SHROOM3: variants seen among roughly 807,000 people sequenced by gnomAD.
SHROOM3 encodes shroom family member 3, also known as protein Shroom3.
A neutral mutation model predicts 138.6 loss-of-function variants in SHROOM3; 47 were observed. The observed-to-expected ratio is 0.34, with a 90% CI of 0.27 to 0.43. The LOEUF (loss-of-function observed/expected upper bound fraction) is 0.43, where lower values mean the gene tolerates loss of function less well. Among genes scored for constraint, SHROOM3 ranks in the 20% least tolerant of loss-of-function variants. The pLI is 1.00. For missense variants in SHROOM3, 2,491 were observed against 2,596.5 expected, an observed-to-expected ratio of 0.96 and a Z score of 0.88; for synonymous variants, 1,062 against 1,063.3, an observed-to-expected ratio of 1.00 and a Z score of 0.02.
At chr4:76,644,023 T>C (rs1228208828) in intron 2 of SHROOM3, among the ~76,000 whole-genome samples, 2 of 152,096 alleles carry the variant, frequency 1.3e-5, no homozygotes, top group Non-Finnish European at 2.9e-5. Flanking sequence ...TTTGTATTTT[T>C]AGTAGAGACA....
intron 5 of SHROOM3, among the ~76,000 whole-genome samples, chr4:76,748,363 A>G (rs1479298127): frequency 3.3e-5 from 5 of 152,126 alleles, no homozygotes; most frequent in Non-Finnish European, 7.4e-5. Flanking sequence ...CAACATCATC[A>G]TCTTCATCAT....
At chr4:76,656,086 T>C (rs553228756) in intron 2 of SHROOM3, among the ~76,000 whole-genome samples, 27 of 152,320 alleles carry the variant, frequency 1.8e-4, no homozygotes, top group Middle Eastern at 6.8e-3. Flanking sequence ...GACTCAGGCA[T>C]GGTGAGGGCG....
chr4:76,663,852 G>A (rs1180859888), intron 2 of SHROOM3, among the ~76,000 whole-genome samples: 2 of 152,138 alleles, frequency 1.3e-5, no homozygotes, highest in African/African-American at 4.8e-5. Flanking sequence ...CTTTAAACAG[G>A]ACATGAGGCC....
intron 2 of SHROOM3, among the ~76,000 whole-genome samples, chr4:76,648,340 G>A (rs868195632): frequency 6.6e-6 from 1 of 152,036 alleles, no homozygotes; most frequent in African/African-American, 2.4e-5. Flanking sequence ...AAAAAAGAAA[G>A]AAAGAAAAAC....
chr4:76,544,374 C>T (rs984818713), intron 1 of SHROOM3, among the ~76,000 whole-genome samples: 3 of 142,764 alleles, frequency 2.1e-5, no homozygotes, highest in Admixed American at 7.0e-5. Context: ...TTGGGTCCCA[C>T]TTTCCTCAAA....
chr4:76,672,419 CAAAAAAA>C (rs35488837), intron 2 of SHROOM3, among the ~76,000 whole-genome samples: 7 of 127,276 alleles, frequency 5.5e-5, no homozygotes, highest in African/African-American at 2.0e-4. Flanking sequence ...AATTAGGGAC[CAAAAAAA>C]AAAAAAAAAA....
intron 2 of SHROOM3, among the ~76,000 whole-genome samples, chr4:76,567,199 G>A (rs970799455): frequency 3.9e-5 from 6 of 152,206 alleles, no homozygotes; most frequent in African/African-American, 1.4e-4. Flanking sequence ...AGGTTGCTAT[G>A]TTGTTTTCAT....
chr4:76,680,572 C>A (rs1418461233), intron 2 of SHROOM3, among the ~76,000 whole-genome samples: 2 of 152,160 alleles, frequency 1.3e-5, no homozygotes, highest in Non-Finnish European at 2.9e-5. Context: ...GTCACTCACC[C>A]CCATACATGT....
intron 1 of SHROOM3, among the ~76,000 whole-genome samples, chr4:76,476,409 C>T (rs1376167536): frequency 1.3e-5 from 2 of 152,168 alleles, no homozygotes; most frequent in Admixed American, 6.5e-5. Flanking sequence ...TCCAAATGCT[C>T]ATACATTCAT....
intron 2 of SHROOM3, among the ~76,000 whole-genome samples, chr4:76,580,033 A>T (rs1734017755): frequency 6.6e-6 from 1 of 152,216 alleles, no homozygotes; most frequent in Admixed American, 6.5e-5. Context: ...TCCCACTGTG[A>T]TTCAAACCGT....
intron 2 of SHROOM3, among the ~76,000 whole-genome samples, chr4:76,635,389 C>G (rs532641553): frequency 2.6e-5 from 4 of 152,280 alleles, no homozygotes; most frequent in Admixed American, 2.0e-4. Context: ...GTTTTGGGAC[C>G]TGACATGAGC....
At chr4:76,681,531 T>C (rs1275112999) in intron 2 of SHROOM3, among the ~76,000 whole-genome samples, 1 of 151,354 alleles carries the variant, frequency 6.6e-6, no homozygotes, top group Non-Finnish European at 1.5e-5. Context: ...TATCAGCCAA[T>C]TCAGGATCCC....
chr4:76,562,048 A>G (rs1396109948), intron 2 of SHROOM3, among the ~76,000 whole-genome samples: 1 of 152,162 alleles, frequency 6.6e-6, no homozygotes, highest in Non-Finnish European at 1.5e-5. Flanking sequence ...AAACAATAAA[A>G]AAACAAAGAA....
chr4:76,457,541 G>C (rs1731052864), intron 1 of SHROOM3, among the ~76,000 whole-genome samples: 1 of 151,246 alleles, frequency 6.6e-6, no homozygotes, highest in African/African-American at 2.4e-5. Context: ...CTCCAGGCTG[G>C]AGAGCAGTGG....
intron 1 of SHROOM3, among the ~76,000 whole-genome samples, chr4:76,462,732 C>CTTTCCA (rs1344378955): frequency 0.01 from 1,540 of 147,432 alleles, 24 homozygotes; most frequent in African/African-American, 0.037. Flanking sequence ...CTCCCTTTCC[C>CTTTCCA]TCTCCATCTC....
At chr4:76,613,532 G>A (rs1372109842) in intron 2 of SHROOM3, among the ~76,000 whole-genome samples, 4 of 152,148 alleles carry the variant, frequency 2.6e-5, no homozygotes, top group African/African-American at 9.7e-5. Context: ...CCTTTGCTTT[G>A]ATAAAAAGTC....
chr4:76,460,425 G>C (rs1351366638), intron 1 of SHROOM3, among the ~76,000 whole-genome samples: 2 of 152,078 alleles, frequency 1.3e-5, no homozygotes, highest in Non-Finnish European at 2.9e-5. Context: ...TACTATCTAA[G>C]GTTTTTAAAT....
intron 1 of SHROOM3, among the ~76,000 whole-genome samples, chr4:76,518,826 C>T (rs4859688): frequency 0.7 from 106,434 of 151,988 alleles, 37,817 homozygotes; most frequent in East Asian, 0.86. Context: ...TTATTGCAAG[C>T]GATGTAAACT....
intron 1 of SHROOM3, among the ~76,000 whole-genome samples, chr4:76,503,403 A>C (rs2110000687): frequency 6.6e-6 from 1 of 152,020 alleles, no homozygotes; most frequent in Admixed American, 6.6e-5. Flanking sequence ...ATTCTTTTTA[A>C]AATGTTGTCT....
Sources: allele counts gnomAD v4.1 joint callset (sites outside exome capture counted in the v4.1 genomes callset), GRCh38; gene constraint gnomAD v4.1.1; transcripts MANE v1.5; gene names NCBI Gene and HGNC (gene_info 2026-07-23, HGNC 2026-07-21).